Variants in ARMH3 observed in about 807,000 individuals in gnomAD.
ARMH3 encodes the protein armadillo-like helical domain-containing protein 3.
In ARMH3, 60 loss-of-function variants were observed where a neutral mutation model predicts 99.1. The observed-to-expected ratio is 0.61, with a 90% CI of 0.49 to 0.75. The LOEUF (loss-of-function observed/expected upper bound fraction) is 0.75. Ranked by LOEUF, ARMH3 falls within the 30% of genes least tolerant of loss-of-function variation. ARMH3 has a pLI of 0.00. For synonymous variants in ARMH3, 285 were observed against 292.8 expected, an observed-to-expected ratio of 0.97 and a Z score of 0.27; for missense variants, 679 against 843.1, an observed-to-expected ratio of 0.81 and a Z score of 2.41.
At chr10:101,897,010 G>T (rs182685308) in intron 23 of ARMH3, among the ~76,000 whole-genome samples, 12 of 152,314 alleles carry the variant, frequency 7.9e-5, no homozygotes, top group Admixed American at 3.9e-4. Flanking sequence ...GGATGTTGAG[G>T]GGGGTGGCAG....
chr10:102,025,634 C>A (rs1399406877), intron 5 of ARMH3, among the ~76,000 whole-genome samples: 1 of 149,718 alleles, frequency 6.7e-6, no homozygotes, highest in South Asian at 2.1e-4. Context: ...GTATATGTTT[C>A]TTTTCTTTTC....
At chr10:101,976,433 C>G (rs1254033943) in intron 19 of ARMH3, among the ~76,000 whole-genome samples, 2 of 150,936 alleles carry the variant, frequency 1.3e-5, no homozygotes, top group African/African-American at 4.9e-5. Flanking sequence ...CACACGCAAT[C>G]ACATACTGCT....
chr10:101,993,876 G>T (rs965430224), intron 16 of ARMH3, among the ~76,000 whole-genome samples: 2 of 152,196 alleles, frequency 1.3e-5, no homozygotes, highest in Non-Finnish European at 2.9e-5. Context: ...ATGCTGAGAG[G>T]AATGAGAGTA....
chr10:101,856,878 G>A (rs2066749188), intron 24 of ARMH3, among the ~76,000 whole-genome samples: 1 of 152,118 alleles, frequency 6.6e-6, no homozygotes, highest in Admixed American at 6.5e-5. Flanking sequence ...AGGGGGCTGG[G>A]CAGGCACTAC....
Position 102,033,268 on chromosome 10 carries a change from GCCA to G in ARMH3, c.159+12_159+14del. ...TTAGTTACCAGGAAATTCCACAGAT[GCCA>G]CCAACTCTTACCTTCATGAGAAAGA... On this transcript the variant is annotated intron_variant, in intron 3 of 25. Coordinates refer to ENST00000370033, the MANE Select transcript of ARMH3 (RefSeq NM_024541.3). The G allele has an allele frequency of 6.2e-7, 1 of 1,613,964 alleles. No individual in the cohort carries two copies. The highest frequency in any genetic ancestry group is 8.5e-7 in the Non-Finnish European group (1 of 1,179,962).
intron 2 of ARMH3, 115 bp from the exon 3 acceptor site, chr10:102,033,454 G>A: frequency 8.6e-7 from 1 of 1,159,472 alleles, no homozygotes; most frequent in African/African-American, 1.6e-5. Context: ...GAATCTCGCT[G>A]TCGCCCAGGC....
At chr10:102,013,220 C>T (rs1156508000) in intron 9 of ARMH3, among the ~76,000 whole-genome samples, 1 of 152,154 alleles carries the variant, frequency 6.6e-6, no homozygotes, top group Non-Finnish European at 1.5e-5. Context: ...TCAAATGTCT[C>T]CAAAACAGTC....
chr10:101,852,035 C>T (rs1455540004), intron 24 of ARMH3, among the ~76,000 whole-genome samples: 1 of 698 alleles, frequency 1.4e-3, no homozygotes, highest in Non-Finnish European at 0.031. Flanking sequence ...AAAATTCCTC[C>T]AAGATGGAAA....
chr10:102,013,977 G>A lies in ARMH3; in HGVS notation c.717C>T (p.Ala239=). The A allele has an allele frequency of 6.2e-7, 1 of 1,608,222 alleles. No individual in the cohort carries two copies. Among genetic ancestry groups the A allele is most frequent in the Non-Finnish European group, 8.5e-7 (1 of 1,176,320 alleles). Residue 239 remains alanine, a synonymous_variant, in exon 9 of 26, where the codon GCC becomes GCT. Transcript: ENST00000370033. ...IVKLSIVDDE[A]TLNGMGLVIA... Reference sequence around the variant, plus strand: ...GGATCCAGATACTCACATTGAGTGTGGCCTCATCATCCACGATAGACAGCT... The same window carrying A: ...GGATCCAGATACTCACATTGAGTGTAGCCTCATCATCCACGATAGACAGCT...
At chr10:101,964,977 A>T (rs1845472271) in intron 20 of ARMH3, among the ~76,000 whole-genome samples, 1 of 151,986 alleles carries the variant, frequency 6.6e-6, no homozygotes, top group South Asian at 2.1e-4. Context: ...GCACCACTGC[A>T]CTCCCACCTG....
chr10:102,016,804 G>GT (rs2066758704), intron 8 of ARMH3, among the ~76,000 whole-genome samples: 2 of 152,170 alleles, frequency 1.3e-5, no homozygotes, highest in Non-Finnish European at 1.5e-5. Flanking sequence ...AGTCTTCACA[G>GT]TATCACTCTA....
intron 23 of ARMH3, among the ~76,000 whole-genome samples, chr10:101,917,786 T>A (rs1230073592): frequency 6.6e-6 from 1 of 152,212 alleles, no homozygotes; most frequent in Admixed American, 6.5e-5. Context: ...CAAATCAGTA[T>A]GACTTACAAA....
intron 8 of ARMH3, among the ~76,000 whole-genome samples, chr10:102,023,244 A>C (rs1294160117): frequency 1.3e-5 from 2 of 152,246 alleles, no homozygotes; most frequent in South Asian, 2.1e-4. Flanking sequence ...GGGAATCACT[A>C]CATTAGGGCG....
rs572987029 is a variant in ARMH3, at chr10:101,878,131, G to A, written c.1860+11281C>T. On this transcript the variant is annotated intron_variant, in intron 24 of 25. Coordinates refer to ENST00000370033, the MANE Select transcript of ARMH3 (RefSeq NM_024541.3). Reference sequence around the variant, plus strand: ...AAAATTAGCCAGGTGTGGTAAGTGCGCCTGTAATCCCAACTACTCGGGAGG... The same window carrying A: ...AAAATTAGCCAGGTGTGGTAAGTGCACCTGTAATCCCAACTACTCGGGAGG... Among the ~76,000 whole-genome samples, 13 of 152,116 alleles carry A rather than the reference G, an allele frequency of 8.5e-5. No homozygotes were observed. In the East Asian group the frequency reaches 9.7e-4, roughly 11 times the overall value.
intron 20 of ARMH3, among the ~76,000 whole-genome samples, chr10:101,969,114 C>T (rs1845661710): frequency 6.6e-6 from 1 of 152,110 alleles, no homozygotes; most frequent in Admixed American, 6.5e-5. Context: ...CAAAATTCCC[C>T]TTCCCATCTA....
intron 13 of ARMH3, among the ~76,000 whole-genome samples, chr10:102,007,542 G>A (rs978649330): frequency 9.9e-5 from 15 of 150,838 alleles, no homozygotes; most frequent in African/African-American, 2.2e-4. Flanking sequence ...CTATTCAGCC[G>A]GGTGCGGTGG....
At chr10:101,916,362 C>T (rs916327319) in intron 23 of ARMH3, among the ~76,000 whole-genome samples, 1 of 152,068 alleles carries the variant, frequency 6.6e-6, no homozygotes, top group Non-Finnish European at 1.5e-5. Flanking sequence ...ACCTACCCCC[C>T]ACCCCCATCC....
At chr10:101,904,770 G>A (rs774379510) in intron 23 of ARMH3, among the ~76,000 whole-genome samples, 2 of 151,926 alleles carry the variant, frequency 1.3e-5, no homozygotes, top group African/African-American at 2.4e-5. Flanking sequence ...TGGCCAACAT[G>A]GTAAAACCCT....
chr10:101,957,889 G>A (rs1024391806), intron 20 of ARMH3, among the ~76,000 whole-genome samples, 157 bp from the exon 21 acceptor site: 12 of 152,156 alleles, frequency 7.9e-5, no homozygotes, highest in African/African-American at 2.4e-4. Flanking sequence ...AGGTATATTT[G>A]AGGAAAGCAC....
Sources: gnomAD v4.1 joint callset for allele counts (sites outside exome capture counted in the v4.1 genomes callset) on GRCh38, gnomAD v4.1.1 for gene constraint, MANE v1.5 for transcripts, NCBI Gene and HGNC (gene_info 2026-07-23, HGNC 2026-07-21) for gene names.